The following LRRC7 variants were observed in gnomAD, a reference collection of about 807,000 sequenced individuals.
LRRC7 encodes leucine-rich repeat-containing protein 7.
LRRC7 carries 23 observed loss-of-function variants against 175.7 expected under a neutral mutation model. That is an observed-to-expected ratio of 0.13 (90% CI 0.09 to 0.19). The LOEUF (loss-of-function observed/expected upper bound fraction) is 0.19, where lower values mean the gene tolerates loss of function less well. Among genes scored for constraint, LRRC7 ranks in the 10% least tolerant of loss-of-function variants. The probability of loss-of-function intolerance (pLI) is 1.00; values close to 1 mark genes in which losing one functional copy is unlikely to be tolerated. For synonymous variants in LRRC7, 685 were observed against 680.9 expected (o/e 1.01, Z -0.09); for missense variants, 1,354 against 1,904.7 (o/e 0.71, Z 5.38).
chr1:70,039,211 A>T lies in LRRC7; in HGVS notation c.3387A>T (p.Pro1129=). Residue 1129 remains proline, a synonymous_variant, in exon 21 of 27, where the codon CCA becomes CCT. Coordinates refer to ENST00000651989, the MANE Select transcript of LRRC7 (RefSeq NM_001370785.2). ...PMEQMFSFSQ[P]SVNEDAVVNA... ...AGCAAATGTTTTCATTTTCTCAGCC[A>T]TCTGTGAATGAGGATGCTGTGGTGA... The T allele has an allele frequency of 6.2e-7, 1 of 1,614,088 alleles. No individual in the cohort carries two copies. The highest frequency in any genetic ancestry group is 8.5e-7 in the Non-Finnish European group (1 of 1,179,996).
intron 2 of LRRC7, among the ~76,000 whole-genome samples, chr1:69,682,320 T>A (rs1660588079): frequency 6.6e-6 from 1 of 152,098 alleles, no homozygotes; most frequent in Non-Finnish European, 1.5e-5. Context: ...CATATTTTAT[T>A]GTCCAGAAGA....
At chr1:70,117,184 T>G (rs1294794240) in intron 26 of LRRC7, among the ~76,000 whole-genome samples, 1 of 152,224 alleles carries the variant, frequency 6.6e-6, no homozygotes, top group African/African-American at 2.4e-5. Flanking sequence ...AAATGAACTG[T>G]GCTGTCCTCC....
intron 1 of LRRC7, among the ~76,000 whole-genome samples, chr1:69,613,195 C>T (rs773727916): frequency 6.6e-6 from 1 of 152,042 alleles, no homozygotes; most frequent in Non-Finnish European, 1.5e-5. Context: ...GCCAGCAGAT[C>T]CTGTGTCTAG....
At chr1:69,573,172 A>T (rs1645806916) in intron 1 of LRRC7, among the ~76,000 whole-genome samples, 1 of 152,150 alleles carries the variant, frequency 6.6e-6, no homozygotes, top group South Asian at 2.1e-4. Context: ...AGATTAGAAA[A>T]CTGAAACTCA....
At chr1:69,852,841 T>C (rs1683138194) in intron 7 of LRRC7, among the ~76,000 whole-genome samples, 1 of 152,186 alleles carries the variant, frequency 6.6e-6, no homozygotes, top group Non-Finnish European at 1.5e-5. Context: ...GAAAATGTGT[T>C]CTAAAGAAAG....
At chr1:69,626,148 C>T (rs1193469270) in intron 1 of LRRC7, among the ~76,000 whole-genome samples, 6 of 152,034 alleles carry the variant, frequency 3.9e-5, no homozygotes, top group Non-Finnish European at 7.4e-5. Flanking sequence ...TCTTGGGACC[C>T]GTTAATATCT....
intron 7 of LRRC7, among the ~76,000 whole-genome samples, chr1:69,853,364 T>C (rs1195664225): frequency 1.4e-5 from 2 of 138,242 alleles, no homozygotes; most frequent in African/African-American, 5.3e-5. Context: ...CTGCAACCTC[T>C]ACCTCCTGGG....
At chr1:69,663,762 C>T (rs185961069) in intron 1 of LRRC7, among the ~76,000 whole-genome samples, 8,476 of 135,474 alleles carry the variant, frequency 0.063, 276 homozygotes, top group South Asian at 0.11. Flanking sequence ...TCGCCCAGGC[C>T]GGACTGCCGA....
chr1:69,670,036 T>C (rs1422842927), intron 1 of LRRC7, among the ~76,000 whole-genome samples: 1 of 152,224 alleles, frequency 6.6e-6, no homozygotes, highest in Non-Finnish European at 1.5e-5. Context: ...TTGAATTATC[T>C]GTCTAAAGGT....
chr1:70,041,766 A>G (rs1000765207), intron 21 of LRRC7, among the ~76,000 whole-genome samples: 4 of 152,228 alleles, frequency 2.6e-5, no homozygotes, highest in Non-Finnish European at 5.9e-5. Context: ...TGGTTCCATC[A>G]CTTAGTTACT....
chr1:69,906,895 T>A (rs1234006421), intron 7 of LRRC7, among the ~76,000 whole-genome samples: 1 of 152,222 alleles, frequency 6.6e-6, no homozygotes, highest in African/African-American at 2.4e-5. Context: ...CCTATGAGCA[T>A]GGAATGTTCT....
intron 1 of LRRC7, among the ~76,000 whole-genome samples, chr1:69,625,500 A>G (rs74984237): frequency 0.066 from 9,302 of 140,122 alleles, 361 homozygotes; most frequent in Middle Eastern, 0.11. Context: ...ACTATTTCCC[A>G]CCTTCCTATA....
At chr1:69,853,146 C>G (rs945325860) in intron 7 of LRRC7, among the ~76,000 whole-genome samples, 2 of 151,712 alleles carry the variant, frequency 1.3e-5, no homozygotes, top group Non-Finnish European at 2.9e-5. Flanking sequence ...ATACTATGTT[C>G]GAATGATTGA....
At chr1:69,947,055 G>A (rs1649399471) in intron 8 of LRRC7, among the ~76,000 whole-genome samples, 1 of 151,876 alleles carries the variant, frequency 6.6e-6, no homozygotes, top group African/African-American at 2.4e-5. Context: ...TCCAGCTGAG[G>A]CAAGATCATG....
intron 7 of LRRC7, among the ~76,000 whole-genome samples, chr1:69,904,304 AAAG>A (rs1443264086): frequency 1.4e-4 from 22 of 152,172 alleles, no homozygotes; most frequent in Admixed American, 3.9e-4. Context: ...AAATATTAAA[AAAG>A]AAGAATACTA....
At chr1:69,655,876 A>G (rs897876815) in intron 1 of LRRC7, among the ~76,000 whole-genome samples, 3 of 152,026 alleles carry the variant, frequency 2.0e-5, no homozygotes, top group African/African-American at 7.2e-5. Context: ...GTGTGGCCCA[A>G]TGTTGTAAAT....
At chr1:69,881,722 A>G (rs201450733) in intron 7 of LRRC7, among the ~76,000 whole-genome samples, 1 of 30,546 alleles carries the variant, frequency 3.3e-5, no homozygotes, top group African/African-American at 1.2e-4. Context: ...TACAAAAAAA[A>G]AAACAAAATT....
At chr1:69,716,958 A>G (rs2050857) in intron 2 of LRRC7, among the ~76,000 whole-genome samples, 15,533 of 151,834 alleles carry the variant, frequency 0.1, 1,291 homozygotes, top group African/African-American at 0.23. Context: ...AGAAAATACT[A>G]AAGCTAAAAG....
intron 1 of LRRC7, among the ~76,000 whole-genome samples, chr1:69,660,520 GC>G (rs771477316): frequency 3.9e-5 from 6 of 152,062 alleles, no homozygotes; most frequent in Non-Finnish European, 5.9e-5. Context: ...AAAAAGTACA[GC>G]CTGGTAAGGA....
Sources: allele counts gnomAD v4.1 joint callset (sites outside exome capture counted in the v4.1 genomes callset), GRCh38; gene constraint gnomAD v4.1.1; transcripts MANE v1.5; gene names NCBI Gene and HGNC (gene_info 2026-07-23, HGNC 2026-07-21).